The following GPHN variants were observed in gnomAD, a reference collection of about 807,000 sequenced individuals.
GPHN encodes gephyrin.
A neutral mutation model predicts 95.5 loss-of-function variants in GPHN; 17 were observed. That is an observed-to-expected ratio of 0.18 (90% CI 0.12 to 0.27). The LOEUF (loss-of-function observed/expected upper bound fraction) is 0.27, where lower values mean the gene tolerates loss of function less well. Among genes scored for constraint, GPHN ranks in the 10% least tolerant of loss-of-function variants. The pLI is 1.00. For missense variants in GPHN, 660 were observed against 978.1 expected (o/e 0.67, Z 4.34); for synonymous variants, 320 against 322.5 (o/e 0.99, Z 0.08).
the GPHN span, chr14:67,303,729 T>A: frequency 1.5e-6 from 1 of 686,484 alleles, no homozygotes; most frequent in Non-Finnish European, 2.5e-6. Context: ...TTTAAATAAA[T>A]ATGAAATATC....
At chr14:67,734,158 T>C in the GPHN span, 17 of 331,028 alleles carry the variant, frequency 5.1e-5, no homozygotes, top group Non-Finnish European at 1.0e-4. Flanking sequence ...CCCGAGAAAT[T>C]GGGTCAGTTC....
At chr14:67,382,683 A>C in the GPHN span, 2 of 1,421,088 alleles carry the variant, frequency 1.4e-6, no homozygotes, top group Non-Finnish European at 2.0e-6. Flanking sequence ...TTGGAATGTC[A>C]TATTGTAGGA....
At chr14:66,910,992 T>C (rs998082441) in intron 5 of GPHN, among the ~76,000 whole-genome samples, 8 of 151,968 alleles carry the variant, frequency 5.3e-5, no homozygotes, top group Admixed American at 1.3e-4. Flanking sequence ...GAAAACCAAG[T>C]TGTATAAGAA....
the GPHN span, among the ~76,000 whole-genome samples, chr14:67,246,274 G>A: frequency 6.6e-6 from 1 of 151,566 alleles, no homozygotes; most frequent in Non-Finnish European, 1.5e-5. Flanking sequence ...GACCACAGGC[G>A]TGCCACCGCA....
chr14:67,186,968 G>A, the GPHN span, among the ~76,000 whole-genome samples: 1 of 152,264 alleles, frequency 6.6e-6, no homozygotes, highest in Non-Finnish European at 1.5e-5. Flanking sequence ...CATGTGAAGA[G>A]CTAGGAGATG....
chr14:67,582,165 T>C, the GPHN span: 2 of 1,613,504 alleles, frequency 1.2e-6, no homozygotes, highest in African/African-American at 2.7e-5. The surrounding 1 kb of genome is among the most constrained non-coding windows in gnomAD (Gnocchi z 5.0). Flanking sequence ...GGAGGTTTCC[T>C]ATCAACAAGG....
the GPHN span, among the ~76,000 whole-genome samples, chr14:67,542,792 C>T: frequency 6.6e-6 from 1 of 152,160 alleles, no homozygotes; most frequent in Non-Finnish European, 1.5e-5. Context: ...TCTCCGCCTC[C>T]TGGGCTCAAG....
At chr14:67,333,693 T>A in the GPHN span, 3 of 152,572 alleles carry the variant, frequency 2.0e-5, no homozygotes, top group Non-Finnish European at 2.9e-5. Context: ...TTTCCTGAAT[T>A]TTTTTCTTAA....
At chr14:67,045,113 G>A (rs187693194) in intron 10 of GPHN, among the ~76,000 whole-genome samples, 177 of 152,214 alleles carry the variant, frequency 1.2e-3, no homozygotes, top group South Asian at 4.2e-3. Flanking sequence ...CAGACTTACC[G>A]TCTCAATAAA....
the GPHN span, chr14:67,292,517 A>G: frequency 1.2e-6 from 2 of 1,605,844 alleles, no homozygotes; most frequent in South Asian, 2.2e-5. Context: ...CTAGAAATAG[A>G]AGACTTGTTT....
the GPHN span, among the ~76,000 whole-genome samples, chr14:67,638,480 A>G: frequency 2.0e-5 from 3 of 152,232 alleles, no homozygotes; most frequent in Non-Finnish European, 4.4e-5. Flanking sequence ...AGAGAATTTC[A>G]AAACAAAACA....
At chr14:67,022,645 G>GT (rs1236414300) in intron 9 of GPHN, among the ~76,000 whole-genome samples, 1 of 114,670 alleles carries the variant, frequency 8.7e-6, no homozygotes, top group African/African-American at 3.5e-5. Flanking sequence ...TTTTATTGCC[G>GT]TTTTTTTAAA....
downstream of GPHN, among the ~76,000 whole-genome samples, chr14:67,183,647 T>C (rs1481223709): frequency 6.6e-6 from 1 of 151,888 alleles, no homozygotes; most frequent in Non-Finnish European, 1.5e-5. Context: ...CACTACAATC[T>C]CCACCTCCCG....
intron 2 of GPHN, among the ~76,000 whole-genome samples, chr14:66,766,743 A>G (rs1489185925): frequency 1.3e-5 from 2 of 152,168 alleles, no homozygotes; most frequent in East Asian, 3.8e-4. Context: ...TAAATTTTAT[A>G]TGCACATGTG....
chr14:66,546,779 AGACCGTGGGGAGAGGGAGAGGGG>A (rs2059617489), intron 1 of GPHN, among the ~76,000 whole-genome samples: 2 of 103,502 alleles, frequency 1.9e-5, no homozygotes. Flanking sequence ...AGGGAGAGGG[AGACCGTGGGGAGAGGGAGAGGGG>A]GAGGGGGAGG....
chr14:66,786,610 G>A (rs1566944045), intron 3 of GPHN, among the ~76,000 whole-genome samples: 1 of 151,896 alleles, frequency 6.6e-6, no homozygotes, highest in Non-Finnish European at 1.5e-5. Flanking sequence ...TATCTCTTAC[G>A]AACTAAAATC....
chr14:67,695,757 T>A, the GPHN span: 1 of 1,546,298 alleles, frequency 6.5e-7, no homozygotes, highest in Non-Finnish European at 8.9e-7. Flanking sequence ...GCTCGCCGAC[T>A]ATGGCTTCTC....
At chr14:66,993,534 G>C (rs2071574854) in intron 9 of GPHN, among the ~76,000 whole-genome samples, 1 of 152,066 alleles carries the variant, frequency 6.6e-6, no homozygotes, top group South Asian at 2.1e-4. Context: ...TAAATGCCCT[G>C]TTTGGCCTCA....
chr14:66,931,407 G>T (rs1039459655), intron 8 of GPHN, among the ~76,000 whole-genome samples: 1 of 151,998 alleles, frequency 6.6e-6, no homozygotes, highest in Admixed American at 6.6e-5. Flanking sequence ...TGTTTTGAAA[G>T]ATCTTTGTTA....
Sources: allele counts gnomAD v4.1 joint callset (sites outside exome capture counted in the v4.1 genomes callset), GRCh38; gene constraint gnomAD v4.1.1; non-coding constraint Gnocchi (gnomAD v3.1); transcripts MANE v1.5; gene names NCBI Gene and HGNC (gene_info 2026-07-23, HGNC 2026-07-21).